Variants in TAOK3 observed in about 807,000 individuals in gnomAD.
TAOK3 encodes TAO kinase 3, also known as serine/threonine-protein kinase TAO3.
A neutral mutation model predicts 120.4 loss-of-function variants in TAOK3; 40 were observed. That is an observed-to-expected ratio of 0.33 (90% CI 0.26 to 0.43). The LOEUF (loss-of-function observed/expected upper bound fraction) is 0.43, where lower values mean the gene tolerates loss of function less well. Ranked by LOEUF, TAOK3 falls within the 20% of genes least tolerant of loss-of-function variation. The probability of loss-of-function intolerance (pLI) is 1.00; values close to 1 mark genes in which losing one functional copy is unlikely to be tolerated. For missense variants in TAOK3, 821 were observed against 1,112.1 expected (o/e 0.74, Z 3.72); for synonymous variants, 355 against 387.5 (o/e 0.92, Z 0.99).
At chr12:118,202,906 A>C (rs2139306643) in intron 11 of TAOK3, among the ~76,000 whole-genome samples, 2 of 149,558 alleles carry the variant, frequency 1.3e-5, no homozygotes, top group South Asian at 2.2e-4. Context: ...CAGCCTCCCG[A>C]GTAGCTGGAA....
chr12:118,355,151 T>G (rs568254358), intron 1 of TAOK3, among the ~76,000 whole-genome samples: 1 of 152,268 alleles, frequency 6.6e-6, no homozygotes, highest in African/African-American at 2.4e-5. Context: ...TCACCATGAG[T>G]AATTAAAACC....
At chr12:118,343,214 G>T (rs569443146) in intron 1 of TAOK3, among the ~76,000 whole-genome samples, 95 of 151,958 alleles carry the variant, frequency 6.3e-4, no homozygotes, top group African/African-American at 2.2e-3. Flanking sequence ...GATCACCAGA[G>T]GTCAGGAGTT....
At chr12:118,205,263 A>C (rs1032451575) in intron 11 of TAOK3, among the ~76,000 whole-genome samples, 2 of 151,888 alleles carry the variant, frequency 1.3e-5, no homozygotes, top group African/African-American at 2.4e-5. Flanking sequence ...GGTACTCGGG[A>C]GGCTGAGGCA....
intron 1 of TAOK3, among the ~76,000 whole-genome samples, chr12:118,368,562 T>C (rs1392808513): frequency 2.0e-5 from 3 of 148,378 alleles, no homozygotes; most frequent in African/African-American, 4.9e-5. Context: ...TCCCAGCACT[T>C]AGAGAAGCTG....
chr12:118,180,645 G>A (rs534088550), intron 15 of TAOK3, among the ~76,000 whole-genome samples: 2 of 152,242 alleles, frequency 1.3e-5, no homozygotes, highest in South Asian at 4.1e-4. Flanking sequence ...TTGCTCAGGG[G>A]CTCATCAGCT....
chr12:118,275,458 C>T (rs1174343829), intron 1 of TAOK3, among the ~76,000 whole-genome samples: 1 of 152,068 alleles, frequency 6.6e-6, no homozygotes, highest in African/African-American at 2.4e-5. Context: ...TCTTATGCCC[C>T]AATATTCTGT....
At chr12:118,329,794 C>T (rs1355927309) in intron 1 of TAOK3, among the ~76,000 whole-genome samples, 1 of 152,124 alleles carries the variant, frequency 6.6e-6, no homozygotes, top group African/African-American at 2.4e-5. Flanking sequence ...TCCATGATAA[C>T]TTCTGATATA....
intron 9 of TAOK3, among the ~76,000 whole-genome samples, chr12:118,229,381 T>C (rs1180348251): frequency 6.6e-6 from 1 of 152,074 alleles, no homozygotes; most frequent in Non-Finnish European, 1.5e-5. Flanking sequence ...ATTACAGGCA[T>C]GAGCCACCGC....
intron 1 of TAOK3, among the ~76,000 whole-genome samples, chr12:118,291,460 G>A (rs990053882): frequency 1.1e-4 from 16 of 151,710 alleles, no homozygotes; most frequent in East Asian, 5.8e-4. Flanking sequence ...CGTGCCCAGC[G>A]GGGTTTTTAC....
At chr12:118,205,151 T>TA (rs1225948804) in intron 11 of TAOK3, among the ~76,000 whole-genome samples, 1 of 149,644 alleles carries the variant, frequency 6.7e-6, no homozygotes, top group Non-Finnish European at 1.5e-5. Context: ...GCCTAGGTGA[T>TA]AGAGTGAGAC....
In TAOK3 at chr12:118,225,511, T is replaced by C. The variant is rs986809561; in HGVS notation, c.643+8163A>G. Reference sequence around the variant, plus strand: ...CTTGTATGACTTATTACATTACTGATATAATAATTTTCAAGTAATTGCTGA... The same window carrying C: ...CTTGTATGACTTATTACATTACTGACATAATAATTTTCAAGTAATTGCTGA... On this transcript the variant is annotated intron_variant, in intron 9 of 20. Transcript: ENST00000392533. 3.3e-5 allele frequency among the ~76,000 whole-genome samples: 5 copies of C among 152,126 alleles called. No homozygotes were observed. In the South Asian group the frequency reaches 6.2e-4, roughly 19 times the overall value.
chr12:118,348,115 T>C (rs923912668), intron 1 of TAOK3, among the ~76,000 whole-genome samples: 5 of 151,720 alleles, frequency 3.3e-5, no homozygotes, highest in Non-Finnish European at 7.4e-5. Context: ...CCACGCCTGC[T>C]GAAAAGGTAT....
At chr12:118,215,277 C>T (rs1488399480) in intron 9 of TAOK3, among the ~76,000 whole-genome samples, 8 of 132,082 alleles carry the variant, frequency 6.1e-5, no homozygotes, top group East Asian at 2.2e-4. Flanking sequence ...GGGTGGATCA[C>T]GAGGTCAGGA....
Position 118,295,686 on chromosome 12 carries a change from C to T in TAOK3, c.-193-28927G>A, listed in dbSNP as rs2042653897. On this transcript the variant is annotated intron_variant, in intron 1 of 20. Transcript: ENST00000392533. ...ACTCTATGAATTTGTTTCAATAATA[C>T]TGGAAGAAACCTCTACAAATTGTCA... Among the ~76,000 whole-genome samples the T allele has an allele frequency of 1.3e-5, 2 of 152,140 alleles. 1 individual carries two copies. The highest frequency in any genetic ancestry group is 4.1e-4 in the South Asian group (2 of 4,830).
intron 15 of TAOK3, among the ~76,000 whole-genome samples, chr12:118,177,623 A>C (rs1308473428): frequency 6.6e-6 from 1 of 151,998 alleles, no homozygotes; most frequent in Non-Finnish European, 1.5e-5. Flanking sequence ...CGGGAGTTTG[A>C]GACCAGCTTG....
intron 13 of TAOK3, among the ~76,000 whole-genome samples, chr12:118,193,049 G>GTTTT (rs11380296): frequency 0.038 from 4,022 of 107,218 alleles, 305 homozygotes; most frequent in East Asian, 0.18. Context: ...CCACGTTGTT[G>GTTTT]TTTTTTTTTT....
At chr12:118,165,265 A>T (rs2035508030) in intron 17 of TAOK3, among the ~76,000 whole-genome samples, 1 of 152,208 alleles carries the variant, frequency 6.6e-6, no homozygotes, top group Non-Finnish European at 1.5e-5. Flanking sequence ...TCCCAGGCCA[A>T]GGAAAGCCCT....
intron 1 of TAOK3, among the ~76,000 whole-genome samples, chr12:118,364,836 C>A (rs142883623): frequency 0.013 from 1,993 of 152,192 alleles, 39 homozygotes; most frequent in African/African-American, 0.046. Flanking sequence ...ATCTGGGAGG[C>A]GGATGTTGCA....
Position 118,150,486 on chromosome 12 carries a change from T to G in TAOK3, c.*511A>C, listed in dbSNP as rs981983535. On this transcript the variant is annotated 3_prime_UTR_variant, in exon 21 of 21. Transcript: ENST00000392533. ...CAATCTTTAATAAAACTTTGTTTTT[T>G]TTATTCCTGATGAATAAATACCAAA... The G allele has an allele frequency of 1.3e-5, 2 of 152,578 alleles. No homozygotes were observed. The highest frequency in any genetic ancestry group is 2.4e-5 in the African/African-American group (1 of 41,418). 9.5% of individuals were successfully genotyped at this position (152,578 alleles called of 1,614,324 possible).
Sources: allele counts gnomAD v4.1 joint callset (sites outside exome capture counted in the v4.1 genomes callset), GRCh38; gene constraint gnomAD v4.1.1; transcripts MANE v1.5; gene names NCBI Gene and HGNC (gene_info 2026-07-23, HGNC 2026-07-21).